Variants in DNAH6 observed in about 807,000 individuals in gnomAD.
DNAH6 encodes the protein axonemal beta dynein heavy chain 6.
A neutral mutation model predicts 491.4 loss-of-function variants in DNAH6; 340 were observed. The observed-to-expected ratio is 0.69, with a 90% CI of 0.63 to 0.76. The LOEUF (loss-of-function observed/expected upper bound fraction) is 0.76. Among genes scored for constraint, DNAH6 ranks in the 30% least tolerant of loss-of-function variants. The pLI is 0.00. For missense variants in DNAH6, 4,443 were observed against 4,972.2 expected (o/e 0.89, Z 3.20); for synonymous variants, 1,603 against 1,686.1 (o/e 0.95, Z 1.21).
the DNAH6 span, among the ~76,000 whole-genome samples, chr2:84,490,493 G>A: frequency 2.1e-4 from 32 of 152,066 alleles, no homozygotes; most frequent in African/African-American, 7.7e-4. Flanking sequence ...CCAACCATTG[G>A]TAATCACTGA....
At chr2:84,680,950 T>C (rs954874280) in intron 41 of DNAH6, among the ~76,000 whole-genome samples, 4 of 152,070 alleles carry the variant, frequency 2.6e-5, no homozygotes, top group African/African-American at 9.7e-5. Flanking sequence ...TGCAAGTAAG[T>C]CGCATTTAAA....
At chr2:84,549,862 A>G (rs1679149928) in intron 8 of DNAH6, 27 bp from the exon 9 acceptor site, 1 of 1,560,198 alleles carries the variant, frequency 6.4e-7, no homozygotes, top group African/African-American at 1.4e-5. Flanking sequence ...AGAAACCGAA[A>G]TTGTATTAGT....
At position 84,694,439 on chromosome 2, in the gene DNAH6, G is replaced by A. The variant is rs367980247; in HGVS notation, c.7483G>A (p.Val2495Ile). ...DLRKLYKMAG[V>I]EDKNMVFLFT... Reference sequence around the variant, plus strand: ...GAGGAAGTTGTACAAAATGGCTGGTGTAGAAGACAAGAATATGGTTTTCCT... The same window carrying A: ...GAGGAAGTTGTACAAAATGGCTGGTATAGAAGACAAGAATATGGTTTTCCT... Residue 2495 changes from valine (V) to isoleucine (I), a missense_variant, in exon 46 of 77, where the codon GTA becomes ATA. Transcript: ENST00000389394. The A allele has an allele frequency of 7.6e-5, 118 of 1,552,024 alleles. No homozygotes were observed. In the African/African-American group the frequency reaches 1.2e-3, roughly 16 times the overall value.
intron 50 of DNAH6, among the ~76,000 whole-genome samples, chr2:84,703,852 C>T (rs961314844): frequency 6.6e-6 from 1 of 152,102 alleles, no homozygotes; most frequent in African/African-American, 2.4e-5. Flanking sequence ...CTATGTCTCT[C>T]CTAAGATGGA....
At chr2:84,631,065 A>C (rs560406206) in intron 29 of DNAH6, among the ~76,000 whole-genome samples, 1 of 152,270 alleles carries the variant, frequency 6.6e-6, no homozygotes, top group South Asian at 2.1e-4. Context: ...TGAAAAACAA[A>C]ACAAAACAAA....
At chr2:84,557,615 A>C (rs1017450607) in intron 10 of DNAH6, 120 bp from the exon 11 acceptor site, 12 of 214,062 alleles carry the variant, frequency 5.6e-5, no homozygotes, top group Non-Finnish European at 8.2e-5. Context: ...GCGCCACTGC[A>C]GTCCGCAGTC....
intron 62 of DNAH6, among the ~76,000 whole-genome samples, chr2:84,744,645 T>G (rs1672796228): frequency 6.6e-6 from 1 of 152,232 alleles, no homozygotes; most frequent in African/African-American, 2.4e-5. Context: ...CATATTTTTA[T>G]GCTATTTTCT....
intron 48 of DNAH6, 39 bp from the exon 49 acceptor site, chr2:84,701,058 T>A: frequency 1.3e-6 from 2 of 1,541,544 alleles, no homozygotes; most frequent in East Asian, 4.9e-5. Flanking sequence ...GTTATTGAAA[T>A]GACACAACAG....
intron 37 of DNAH6, among the ~76,000 whole-genome samples, chr2:84,665,863 G>A (rs1228068694): frequency 6.6e-6 from 1 of 152,140 alleles, no homozygotes; most frequent in East Asian, 1.9e-4. Context: ...TAAAATGCTG[G>A]CAAACCGAAT....
intron 63 of DNAH6, among the ~76,000 whole-genome samples, chr2:84,760,204 A>G (rs550594824): frequency 6.6e-6 from 1 of 152,326 alleles, no homozygotes; most frequent in South Asian, 2.1e-4. Flanking sequence ...ACCTGAAACT[A>G]TAAAAATACT....
In DNAH6 at chr2:84,619,856, G is replaced by C; in HGVS notation, c.3744G>C (p.Lys1248Asn). ...CTGGTATTGATGGAGAACCAGAAAA[G>C]GTTTATACTAATGATATTTTAGCAA... ...KIPGIDGEPE[K>N]VYTNDILAML... The change falls in exon 24 of 77, where the codon AAG becomes AAC. Residue 1248 changes from lysine to asparagine, a missense_variant. By Grantham distance (94) the Lys-to-Asn change is moderately conservative. Coordinates refer to ENST00000389394, the MANE Select transcript of DNAH6 (RefSeq NM_001370.2). 2 of 1,551,304 alleles carry C rather than the reference G, an allele frequency of 1.3e-6. No homozygotes were observed. Among genetic ancestry groups the C allele is most frequent in the Non-Finnish European group, 1.7e-6 (2 of 1,146,744 alleles).
At chr2:84,730,891 GT>G (rs1212963803) in intron 61 of DNAH6, among the ~76,000 whole-genome samples, 1 of 152,088 alleles carries the variant, frequency 6.6e-6, no homozygotes, top group East Asian at 1.9e-4. Flanking sequence ...GCCTATGAAC[GT>G]TAACTAATCT....
At chr2:84,666,479 T>C (rs1456560728) in intron 37 of DNAH6, among the ~76,000 whole-genome samples, 1 of 152,084 alleles carries the variant, frequency 6.6e-6, no homozygotes, top group Non-Finnish European at 1.5e-5. Context: ...GAGAGCCAAA[T>C]CATGCGTGAG....
At position 84,653,888 on chromosome 2, in the gene DNAH6, T is replaced by C; in HGVS notation, c.5634+14T>C. 1 of 1,520,898 alleles carries C rather than the reference T, an allele frequency of 6.6e-7. No homozygotes were observed. 94.2% of individuals were successfully genotyped at this position (1,520,898 alleles called of 1,614,324 possible). A position where few individuals can be genotyped will look rare whatever the true frequency, so the allele number is the denominator to read the frequency against. ...ATGCTTTTTGAGGTAAGTGTACACA[T>C]TACTGTGGAGTGAAATCATTCATTA... On this transcript the variant is annotated intron_variant, in intron 34 of 76. Transcript: ENST00000389394.
At chr2:84,469,872 A>G in the DNAH6 span, among the ~76,000 whole-genome samples, 135,150 of 152,200 alleles carry the variant, frequency 0.89, 60,834 homozygotes, top group East Asian at 1. This position sits in a 1 kb window ranked among gnomAD's most constrained non-coding sequence, Gnocchi z 4.0. Flanking sequence ...ACTTTACCAA[A>G]TGGGGCCTCT....
chr2:84,666,886 G>A (rs1168670258), intron 37 of DNAH6, among the ~76,000 whole-genome samples: 3 of 152,050 alleles, frequency 2.0e-5, no homozygotes, highest in East Asian at 3.9e-4. Context: ...GCATGATACT[G>A]GTACCAAAAC....
Position 84,653,804 on chromosome 2 carries a change from A to T in DNAH6, c.5564A>T (p.Asp1855Val). 1 of 1,551,520 alleles carries T rather than the reference A, an allele frequency of 6.4e-7. No homozygotes were observed. Among genetic ancestry groups the T allele is most frequent in the Non-Finnish European group, 8.7e-7 (1 of 1,146,720 alleles). Residue 1855 changes from aspartate to valine, a missense_variant, in exon 34 of 77, where the codon GAT (aspartate) becomes GTT (valine). This residue lies in a region of DNAH6 where 2,977 missense variants were observed against 3,296.6 expected (regional missense o/e 0.90). Transcript: ENST00000389394. ...WIENMNTVLD[D>V]NKMLCLANSE... ...GAAAACATGAATACAGTGCTGGATG[A>T]TAACAAGATGCTTTGCCTGGCTAAC...
At chr2:84,728,448 C>T (rs1437062922) in intron 61 of DNAH6, among the ~76,000 whole-genome samples, 1 of 152,200 alleles carries the variant, frequency 6.6e-6, no homozygotes, top group African/African-American at 2.4e-5. Context: ...GCTCTGCCTC[C>T]AACTAACTGT....
In DNAH6 at chr2:84,642,069, A is replaced by G. The variant is rs2104507898; in HGVS notation, c.5078+15A>G. 1.3e-6 allele frequency: 2 copies of G among 1,500,074 alleles called. No homozygotes were observed. The highest frequency in any genetic ancestry group is 1.8e-6 in the Non-Finnish European group (2 of 1,101,926). The allele number at this position is 1,500,074 out of a possible 1,614,324, so 92.9% of individuals were successfully genotyped here. ...CTTCTGTTCAGGTAAGTTTGTAGACATTACCAAGTAAAGCATGGCTATCAC... is the reference window on the plus strand; with the variant it reads ...CTTCTGTTCAGGTAAGTTTGTAGACGTTACCAAGTAAAGCATGGCTATCAC... On this transcript the variant is annotated intron_variant, in intron 33 of 76. Transcript: ENST00000389394.
Sources: allele counts gnomAD v4.1 joint callset (sites outside exome capture counted in the v4.1 genomes callset), GRCh38; gene constraint gnomAD v4.1.1; regional missense constraint gnomAD v4.1.1; non-coding constraint Gnocchi (gnomAD v3.1); transcripts MANE v1.5; gene names NCBI Gene and HGNC (gene_info 2026-07-23, HGNC 2026-07-21).